Variants in COL5A2 observed in about 807,000 individuals in gnomAD.
The protein encoded by COL5A2 is collagen type V alpha 2 chain.
A neutral mutation model predicts 208.2 loss-of-function variants in COL5A2; 23 were observed. The observed-to-expected ratio is 0.11, with a 90% CI of 0.08 to 0.16. The LOEUF (loss-of-function observed/expected upper bound fraction) is 0.16, where lower values mean the gene tolerates loss of function less well. Among genes scored for constraint, COL5A2 ranks in the 10% least tolerant of loss-of-function variants. The pLI is 1.00. For missense variants in COL5A2, 1,590 were observed against 1,956.4 expected, an observed-to-expected ratio of 0.81 and a Z score of 3.53; for synonymous variants, 625 against 628.5, an observed-to-expected ratio of 0.99 and a Z score of 0.08.
rs552777038 is a variant in COL5A2 at position 189,200,737 on chromosome 2, T to G, written c.-42+24411A>C. On this transcript the variant is annotated intron_variant, in intron 1 of 10. Transcript: ENST00000649966. Reference sequence around the variant, plus strand: ...AAAATGCAGCCAGAATAAAGAGATATAATACATAATGAGGGAAAAAGAATT... The same window carrying G: ...AAAATGCAGCCAGAATAAAGAGATAGAATACATAATGAGGGAAAAAGAATT... 9.4e-5 allele frequency among the ~76,000 whole-genome samples: 14 copies of G among 149,328 alleles called. No homozygotes were observed. In the South Asian group the frequency reaches 3.0e-3, roughly 32 times the overall value.
At chr2:189,435,746 A>C in the COL5A2 span, among the ~76,000 whole-genome samples, 1 of 152,234 alleles carries the variant, frequency 6.6e-6, no homozygotes, top group African/African-American at 2.4e-5. Flanking sequence ...AAACTAGTTC[A>C]ACCATTGTGG....
chr2:189,402,541 A>G, the COL5A2 span, among the ~76,000 whole-genome samples: 6 of 152,292 alleles, frequency 3.9e-5, no homozygotes, highest in Admixed American at 3.9e-4. Flanking sequence ...TTTACATTTC[A>G]ATCTTTAATC....
the COL5A2 span, among the ~76,000 whole-genome samples, chr2:189,393,511 C>T: frequency 6.6e-6 from 1 of 151,992 alleles, no homozygotes; most frequent in Non-Finnish European, 1.5e-5. Context: ...TATGAAACTT[C>T]CAGAGAGAAT....
the COL5A2 span, among the ~76,000 whole-genome samples, chr2:189,263,623 T>C: frequency 6.6e-6 from 1 of 152,156 alleles, no homozygotes; most frequent in Admixed American, 6.6e-5. Flanking sequence ...GAGCAATTTC[T>C]AGTGCTGCAA....
chr2:189,428,119 GA>G, the COL5A2 span, among the ~76,000 whole-genome samples: 1 of 152,152 alleles, frequency 6.6e-6, no homozygotes, highest in Admixed American at 6.5e-5. Context: ...ATTGTATTTT[GA>G]AATGTGAGAG....
At chr2:189,270,992 C>T in the COL5A2 span, among the ~76,000 whole-genome samples, 1 of 152,088 alleles carries the variant, frequency 6.6e-6, no homozygotes, top group East Asian at 1.9e-4. Context: ...AATCACTGCT[C>T]AAGGAAATAA....
intron 21 of COL5A2, 97 bp downstream of exon 21, chr2:189,067,918 G>T: frequency 9.8e-7 from 1 of 1,022,496 alleles, no homozygotes; most frequent in East Asian, 2.4e-5. Flanking sequence ...GATAAGTCAC[G>T]TTATCTATGT....
At chr2:189,229,438 A>G (rs12472303), upstream of COL5A2, among the ~76,000 whole-genome samples, 1 of 81,116 alleles carries the variant, frequency 1.2e-5, no homozygotes, top group African/African-American at 3.2e-5. Context: ...ACATACACAC[A>G]CACAAAAAAA....
chr2:189,345,029 T>C, the COL5A2 span, among the ~76,000 whole-genome samples: 2 of 152,292 alleles, frequency 1.3e-5, no homozygotes, highest in African/African-American at 4.8e-5. Context: ...GCTTTATGCA[T>C]GTGCTGCAAA....
intron 14 of COL5A2, 85 bp from the exon 15 acceptor site, chr2:189,079,192 T>C (rs1686479966): frequency 1.9e-6 from 2 of 1,075,250 alleles, no homozygotes; most frequent in African/African-American, 1.6e-5. Flanking sequence ...TTTAAAAGCA[T>C]ATTTTCAAAG....
intron 1 of COL5A2, among the ~76,000 whole-genome samples, chr2:189,191,167 C>CAAA (rs1688921444): frequency 2.4e-5 from 3 of 124,888 alleles, no homozygotes; most frequent in East Asian, 2.3e-4. Flanking sequence ...AACAAACAAA[C>CAAA]AACAAAAAAC....
rs781038269 is a variant in COL5A2 at position 189,078,573 on chromosome 2, T to C, written c.1006-4A>G. 7.4e-6 allele frequency: 12 copies of C among 1,611,536 alleles called. No homozygotes were observed. Among genetic ancestry groups the C allele is most frequent in the Admixed American group, 1.7e-5 (1 of 59,952 alleles). On this transcript the variant is annotated splice_region_variant and splice_polypyrimidine_tract_variant and intron_variant, in intron 15 of 53. Transcript: ENST00000374866. ...CTCCTGGCATTCCCCTCGGACCCTA[T>C]AGACGATAGAGAAGAAATGTCTCTT... is the stretch of plus-strand genomic sequence containing the variant.
intron 35 of COL5A2, among the ~76,000 whole-genome samples, chr2:189,056,523 C>T (rs936190534): frequency 6.6e-6 from 1 of 152,102 alleles, no homozygotes; most frequent in African/African-American, 2.4e-5. Context: ...TTAATGATAA[C>T]ATTAATGACG....
At chr2:189,168,339 A>C (rs1688511118) in intron 1 of COL5A2, among the ~76,000 whole-genome samples, 1 of 151,750 alleles carries the variant, frequency 6.6e-6, no homozygotes, top group African/African-American at 2.4e-5. Flanking sequence ...TTTTTGCTGA[A>C]ACCTCAGAAG....
At chr2:189,111,015 A>T (rs772067139) in intron 1 of COL5A2, among the ~76,000 whole-genome samples, 1 of 151,898 alleles carries the variant, frequency 6.6e-6, no homozygotes, top group Non-Finnish European at 1.5e-5. Flanking sequence ...CATTTCATGG[A>T]GTAGAATTCT....
chr2:189,329,909 G>T, the COL5A2 span, among the ~76,000 whole-genome samples: 1 of 147,838 alleles, frequency 6.8e-6, no homozygotes, highest in Non-Finnish European at 1.5e-5. Context: ...AATAATGGTT[G>T]TTTTTTTTTT....
the COL5A2 span, among the ~76,000 whole-genome samples, chr2:189,387,564 T>A: frequency 6.6e-6 from 1 of 152,220 alleles, no homozygotes; most frequent in Admixed American, 6.5e-5. Context: ...TATTGTATTC[T>A]GTTTGCTAAT....
chr2:189,202,256 T>C (rs2105858376), intron 1 of COL5A2, among the ~76,000 whole-genome samples: 1 of 151,288 alleles, frequency 6.6e-6, no homozygotes, highest in Non-Finnish European at 1.5e-5. Context: ...GAGTAGAAAA[T>C]AGGAAAAGAG....
intron 13 of COL5A2, among the ~76,000 whole-genome samples, chr2:189,080,302 T>C (rs909171593): frequency 2.0e-5 from 3 of 152,178 alleles, no homozygotes. Context: ...TAGCTACAAA[T>C]AAAAACCTTA....
Sources: gnomAD v4.1 joint callset for allele counts (sites outside exome capture counted in the v4.1 genomes callset) on GRCh38, gnomAD v4.1.1 for gene constraint, MANE v1.5 for transcripts, NCBI Gene and HGNC (gene_info 2026-07-23, HGNC 2026-07-21) for gene names.